The following GIMAP4 variants were observed in gnomAD, a reference collection of about 807,000 sequenced individuals.
GIMAP4 encodes GTPase, IMAP family member 4.
GIMAP4 carries 12 observed loss-of-function variants against 10.8 expected under a neutral mutation model. The ratio of observed to expected loss-of-function variants is 1.11; its 90% CI spans 0.71 to 1.81. GIMAP4 has a LOEUF of 1.81. Ranked by LOEUF, GIMAP4 falls within the 40% of genes most tolerant of loss-of-function variation. The pLI is 0.00. For missense variants in GIMAP4, 412 were observed against 404.6 expected (o/e 1.02, Z -0.16); for synonymous variants, 149 against 147.2 (o/e 1.01, Z -0.09).
chr7:150,567,962 C>A (rs528778105), intron 1 of GIMAP4, among the ~76,000 whole-genome samples: 9 of 152,132 alleles, frequency 5.9e-5, no homozygotes, highest in African/African-American at 9.7e-5. Flanking sequence ...TCCCCTTTAG[C>A]GGGTAGGAGG....
At chr7:150,568,126 G>A (rs1316920963) in intron 1 of GIMAP4, among the ~76,000 whole-genome samples, 2 of 152,186 alleles carry the variant, frequency 1.3e-5, no homozygotes, top group East Asian at 3.8e-4. Context: ...ATTATTAACA[G>A]CAGAGCAGCA....
chr7:150,567,972 G>A (rs1274546180), intron 1 of GIMAP4, among the ~76,000 whole-genome samples: 2 of 152,208 alleles, frequency 1.3e-5, no homozygotes, highest in African/African-American at 4.8e-5. Flanking sequence ...CGGGTAGGAG[G>A]AGGGAGATGC....
chr7:150,572,908 G>T lies in GIMAP4; in HGVS notation c.838G>T (p.Glu280Ter). Residue 280 changes from glutamate (E) to a stop codon, truncating the protein, a stop_gained, in exon 3 of 3, where the codon GAG (glutamate) becomes TAG (stop). Transcript: ENST00000255945. LOFTEE classifies it low-confidence loss of function (END_TRUNC). ...VEQEKRKKQMEKKLAEQEAHY... is the reference protein window; with the variant it reads ...VEQEKRKKQM ...GCAGGAAAAGAGAAAGAAGCAAATG[G>T]AGAAGAAACTAGCAGAACAGGAGGC... 1 of 1,614,092 alleles carries T rather than the reference G, an allele frequency of 6.2e-7. No individual in the cohort carries two copies. The highest frequency in any genetic ancestry group is 8.5e-7 in the Non-Finnish European group (1 of 1,179,998).
At position 150,573,111 on chromosome 7, in the gene GIMAP4, C is replaced by T. The variant is rs75296377; in HGVS notation, c.*51C>T. 5.0e-4 allele frequency: 591 copies of T among 1,193,514 alleles called. 2 individuals are homozygous for T. In the African/African-American group the frequency reaches 7.9e-3, roughly 16 times the overall value. 73.9% of individuals were successfully genotyped at this position (1,193,514 alleles called of 1,614,324 possible). ...TCTGCATATTCTCTGGCAACCTTGCCCCATACTTACTTATTTAGCATAGTC... is the reference window on the plus strand; with the variant it reads ...TCTGCATATTCTCTGGCAACCTTGCTCCATACTTACTTATTTAGCATAGTC... On this transcript the variant is annotated 3_prime_UTR_variant, in exon 3 of 3. Transcript: ENST00000255945.
At position 150,570,926 on chromosome 7, in the gene GIMAP4, T is replaced by C. The variant is rs142292864; in HGVS notation, c.58+967T>C. Among the ~76,000 whole-genome samples, 47 of 152,240 alleles carry C rather than the reference T, an allele frequency of 3.1e-4. 1 individual carries two copies. The East Asian group carries it at 8.9e-3, about 29-fold the overall frequency. On this transcript the variant is annotated intron_variant, in intron 2 of 2. Coordinates refer to ENST00000255945, the MANE Select transcript of GIMAP4 (RefSeq NM_018326.3). ...CATAAGGCCCACCCAGATTCAACAG[T>C]TGAAGAGACAGATAGCATCTTGATG...
rs1426437956 is a variant in GIMAP4, at chr7:150,572,884, C to A, written c.814C>A (p.Gln272Lys). ...KIRKLEDKVE[Q>K]EKRKKQMEKK... ...CAGAAAGCTGGAAGATAAAGTGGAG[C>A]AGGAAAAGAGAAAGAAGCAAATGGA... The change falls in exon 3 of 3, where the codon CAG becomes AAG. Residue 272 changes from glutamine (Q) to lysine (K), a missense_variant. Gln to Lys is a moderately conservative substitution (Grantham distance 53). Transcript: ENST00000255945. The A allele has an allele frequency of 6.2e-7, 1 of 1,613,828 alleles. No individual in the cohort carries two copies. The highest frequency in any genetic ancestry group is 1.7e-5 in the Admixed American group (1 of 59,996).
intron 2 of GIMAP4, among the ~76,000 whole-genome samples, chr7:150,571,416 G>A (rs1795726638): frequency 6.6e-6 from 1 of 152,096 alleles, no homozygotes; most frequent in Non-Finnish European, 1.5e-5. Context: ...AATATAAATT[G>A]GGAAAATAAA....
chr7:150,569,865 T>G, intron 1 of GIMAP4, 23 bp from the exon 2 acceptor site: 1 of 1,041,042 alleles, frequency 9.6e-7, no homozygotes, highest in Non-Finnish European at 1.5e-6. Context: ...TAAAATGACA[T>G]GGTTATGTTT....
In GIMAP4 at chr7:150,572,400, C is replaced by T. The variant is rs770580845; in HGVS notation, c.330C>T (p.Thr110=). ...SKEIIRCILL[T]SPGPHALLLV... ...AGATTATTCGCTGCATTCTTCTGAC[C>T]TCCCCAGGGCCTCATGCTCTGCTTC... Residue 110 remains threonine (T), a synonymous_variant, in exon 3 of 3, where the codon ACC becomes ACT. Transcript: ENST00000255945. The T allele has an allele frequency of 6.2e-7, 1 of 1,614,134 alleles. No homozygotes were observed. Among genetic ancestry groups the T allele is most frequent in the Non-Finnish European group, 8.5e-7 (1 of 1,179,998 alleles).
Position 150,573,361 on chromosome 7 carries a change from A to G in GIMAP4, c.*301A>G, listed in dbSNP as rs2116722259. 1 of 221,930 alleles carries G rather than the reference A, an allele frequency of 4.5e-6. No individual in the cohort carries two copies. The highest frequency in any genetic ancestry group is 8.8e-6 in the Non-Finnish European group (1 of 113,094). 13.7% of individuals were successfully genotyped at this position (221,930 alleles called of 1,614,324 possible). On this transcript the variant is annotated 3_prime_UTR_variant, in exon 3 of 3. Coordinates refer to ENST00000255945, the MANE Select transcript of GIMAP4 (RefSeq NM_018326.3). The stretch of plus-strand genomic sequence containing the variant: ...CTCCAAGCTATGTCATGTTACCTGT[A>G]ATAAAATCTTTTCTTCTAGATTCTT...
At chr7:150,571,505 G>T (rs1585157222) in intron 2 of GIMAP4, among the ~76,000 whole-genome samples, 1 of 152,336 alleles carries the variant, frequency 6.6e-6, no homozygotes, top group Non-Finnish European at 1.5e-5. Flanking sequence ...AGCTGGCCGG[G>T]TGCAGTGGCT....
intron 2 of GIMAP4, among the ~76,000 whole-genome samples, chr7:150,571,766 A>G (rs947340264): frequency 1.3e-5 from 2 of 152,188 alleles, no homozygotes; most frequent in Non-Finnish European, 2.9e-5. Flanking sequence ...GGGCAACAAG[A>G]GTGAAACTCC....
rs114979063 is a variant in GIMAP4 at position 150,573,086 on chromosome 7, T to A, written c.*26T>A. 8,172 of 1,452,778 alleles carry A rather than the reference T, an allele frequency of 5.6e-3. 383 individuals carry two copies. The African/African-American group carries it at 0.098, about 18-fold the overall frequency. 90.0% of individuals were successfully genotyped at this position (1,452,778 alleles called of 1,614,324 possible). On this transcript the variant is annotated 3_prime_UTR_variant, in exon 3 of 3. Transcript: ENST00000255945. The stretch of plus-strand genomic sequence containing the variant: ...ACTTAATGAAAATCTGTTTGTATTT[T>A]CTGCATATTCTCTGGCAACCTTGCC...
intron 1 of GIMAP4, among the ~76,000 whole-genome samples, chr7:150,569,424 C>G (rs1795702285): frequency 6.6e-6 from 1 of 152,168 alleles, no homozygotes; most frequent in African/African-American, 2.4e-5. Context: ...TTGGTGCCAT[C>G]TGCTGAGCGG....
In GIMAP4 at chr7:150,573,001, A is replaced by G; in HGVS notation, c.931A>G (p.Ile311Val). ...VESKDGILEL[I>V]MTALQIASFI... is the part of the protein sequence containing the mutation. ...GAGTAAGGATGGGATACTTGAATTA[A>G]TCATGACAGCGTTACAGATTGCTTC... Residue 311 changes from isoleucine to valine, a missense_variant, in exon 3 of 3, where the codon ATC (isoleucine) becomes GTC (valine). Ile to Val is a conservative substitution (Grantham distance 29). Coordinates refer to ENST00000255945, the MANE Select transcript of GIMAP4 (RefSeq NM_018326.3). 6.2e-7 allele frequency: 1 copy of G among 1,613,052 alleles called. No homozygotes were observed. The highest frequency in any genetic ancestry group is 8.5e-7 in the Non-Finnish European group (1 of 1,179,106).
At position 150,573,010 on chromosome 7, in the gene GIMAP4, G is replaced by C. The variant is rs1288255723; in HGVS notation, c.940G>C (p.Ala314Pro). 1.9e-6 allele frequency: 3 copies of C among 1,610,214 alleles called. No individual in the cohort carries two copies. The highest frequency in any genetic ancestry group is 2.5e-6 in the Non-Finnish European group (3 of 1,177,900). The change falls in exon 3 of 3, where the codon GCG (alanine) becomes CCG (proline). Residue 314 changes from alanine to proline, a missense_variant. By Grantham distance (27) the Ala-to-Pro change is conservative (BLOSUM62 -1). Coordinates refer to ENST00000255945, the MANE Select transcript of GIMAP4 (RefSeq NM_018326.3). ...TGGGATACTTGAATTAATCATGACA[G>C]CGTTACAGATTGCTTCCTTTATTTT... ...KDGILELIMT[A>P]LQIASFILLR... is the part of the protein sequence containing the mutation.
chr7:150,573,834 C>T lies in GIMAP4; in HGVS notation c.*774C>T, dbSNP rs1795767592. ...TTCTAGAGAAAGATAGTTGCAACCT[C>T]ACCTCCCTCACTCAACACTTTGAAT... is the stretch of plus-strand genomic sequence containing the variant. On this transcript the variant is annotated 3_prime_UTR_variant, in exon 3 of 3. Coordinates refer to ENST00000255945, the MANE Select transcript of GIMAP4 (RefSeq NM_018326.3). 1 of 152,248 alleles carries T rather than the reference C, an allele frequency of 6.6e-6. No individual in the cohort carries two copies. The highest frequency in any genetic ancestry group is 2.4e-5 in the African/African-American group (1 of 41,462). The allele number at this position is 152,248 out of a possible 1,614,324, so 9.4% of individuals were successfully genotyped here. A position where few individuals can be genotyped will look rare whatever the true frequency, so the allele number is the denominator to read the frequency against.
In GIMAP4 at chr7:150,573,129, G is replaced by A. The variant is rs1563319493; in HGVS notation, c.*69G>A. On this transcript the variant is annotated 3_prime_UTR_variant, in exon 3 of 3. Coordinates refer to ENST00000255945, the MANE Select transcript of GIMAP4 (RefSeq NM_018326.3). ...ACCTTGCCCCATACTTACTTATTTAGCATAGTCGAGTGCTCTAGTTTCTGT... is the reference window on the plus strand; with the variant it reads ...ACCTTGCCCCATACTTACTTATTTAACATAGTCGAGTGCTCTAGTTTCTGT... 5 of 968,272 alleles carry A rather than the reference G, an allele frequency of 5.2e-6. No individual in the cohort carries two copies. The highest frequency in any genetic ancestry group is 7.9e-6 in the Non-Finnish European group (5 of 631,572). The allele number at this position is 968,272 out of a possible 1,614,324, so 60.0% of individuals were successfully genotyped here. A position where few individuals can be genotyped will look rare whatever the true frequency, so the allele number is the denominator to read the frequency against.
chr7:150,570,033 G>GAA, intron 2 of GIMAP4, 74 bp downstream of exon 2: 2 of 400,948 alleles, frequency 5.0e-6, no homozygotes, highest in Non-Finnish European at 4.9e-6. Flanking sequence ...ATTTGGGGGG[G>GAA]AATAGGGGTG....
Sources: gnomAD v4.1 joint callset for allele counts (sites outside exome capture counted in the v4.1 genomes callset) on GRCh38, gnomAD v4.1.1 for gene constraint, MANE v1.5 for transcripts, NCBI Gene and HGNC (gene_info 2026-07-23, HGNC 2026-07-21) for gene names.